The following TBXT variants were observed in gnomAD, a reference collection of about 807,000 sequenced individuals.
TBXT encodes the protein T brachyury transcription factor.
TBXT carries 19 observed loss-of-function variants against 41.1 expected under a neutral mutation model. That is an observed-to-expected ratio of 0.46 (90% CI 0.32 to 0.68). The LOEUF (loss-of-function observed/expected upper bound fraction) is 0.68. Ranked by LOEUF, TBXT falls within the 30% of genes least tolerant of loss-of-function variation. The pLI is 0.03. For missense variants in TBXT, 536 were observed against 582.0 expected (o/e 0.92, Z 0.81); for synonymous variants, 213 against 238.9 (o/e 0.89, Z 1.00).
chr6:166,158,617 G>C (rs372473007), intron 7 of TBXT, 29 bp from the exon 8 acceptor site: 7 of 1,474,662 alleles, frequency 4.7e-6, no homozygotes, highest in African/African-American at 4.2e-5. Context: ...AGTGAGCAGG[G>C]CCTGGGCAGG....
At position 166,158,390 on chromosome 6, in the gene TBXT, C is replaced by T; in HGVS notation, c.1236G>A (p.Val412=). The T allele has an allele frequency of 6.2e-7, 1 of 1,614,210 alleles. No individual in the cohort carries two copies. The highest frequency in any genetic ancestry group is 8.5e-7 in the Non-Finnish European group (1 of 1,180,044). The change falls in exon 8 of 8, where the codon GTG becomes GTA. Residue 412 remains valine, a synonymous_variant. Coordinates refer to ENST00000366876, the MANE Select transcript of TBXT (RefSeq NM_001366285.2). ...YEGAAAATDI[V]DSQYDAAAQG... ...GGGCTGCGGCGTCGTACTGGCTGTC[C>T]ACGATGTCTGTGGCCGCGGCCGCCC...
chr6:166,160,817 A>G lies in TBXT; in HGVS notation c.1037+20T>C. ...CAGAGCTCCCAGGATGCTTTGCACC[A>G]GGTCCTGGACATACATTACCTGGAG... On this transcript the variant is annotated intron_variant, in intron 7 of 7. Coordinates refer to ENST00000366876, the MANE Select transcript of TBXT (RefSeq NM_001366285.2). 6.2e-7 allele frequency: 1 copy of G among 1,613,888 alleles called. No individual in the cohort carries two copies. Among genetic ancestry groups the G allele is most frequent in the African/African-American group, 1.3e-5 (1 of 75,064 alleles).
chr6:166,164,965 A>T, intron 3 of TBXT, 104 bp from the exon 4 acceptor site: 1 of 909,356 alleles, frequency 1.1e-6, no homozygotes, highest in East Asian at 2.5e-5. Flanking sequence ...TTAAATATTC[A>T]AATATAATCA....
intron 6 of TBXT, 27 bp downstream of exon 6, chr6:166,162,420 C>T (rs765247207): frequency 1.2e-6 from 2 of 1,613,976 alleles, no homozygotes; most frequent in East Asian, 4.5e-5. Flanking sequence ...CCCACCAACC[C>T]CTGGCAGAAT....
intron 6 of TBXT, among the ~76,000 whole-genome samples, chr6:166,161,801 T>C (rs1277911336): frequency 6.6e-6 from 1 of 152,254 alleles, no homozygotes; most frequent in Non-Finnish European, 1.5e-5. Context: ...CAGGCACCTG[T>C]AGTCCCAGCT....
chr6:166,161,864 A>C (rs1479024188), intron 6 of TBXT, among the ~76,000 whole-genome samples: 1 of 152,208 alleles, frequency 6.6e-6, no homozygotes, highest in East Asian at 1.9e-4. Flanking sequence ...CGGAGCTTGC[A>C]GTGAGCCGAG....
chr6:166,159,893 G>T (rs571052389), intron 7 of TBXT, among the ~76,000 whole-genome samples: 1 of 152,314 alleles, frequency 6.6e-6, no homozygotes, highest in South Asian at 2.1e-4. Flanking sequence ...CTGGGGCGAT[G>T]CTCTTGGAGC....
In TBXT at chr6:166,165,935, C is replaced by G. The variant is rs1779098206; in HGVS notation, c.472-95G>C. On this transcript the variant is annotated intron_variant, in intron 2 of 7. Transcript: ENST00000366876. The stretch of plus-strand genomic sequence containing the variant: ...CCAGGATGCAGAAAGTCCTCTGGAT[C>G]CCAAGAAAGTGTCTCTGCTGTTGAG... The G allele has an allele frequency of 1.9e-6, 3 of 1,578,592 alleles. No individual in the cohort carries two copies. The East Asian group carries it at 6.7e-5, about 35-fold the overall frequency.
rs780253490 is a variant in TBXT, at chr6:166,158,513, C to T, written c.1113G>A (p.Gly371=). 1.9e-6 allele frequency: 3 copies of T among 1,607,896 alleles called. No individual in the cohort carries two copies. Among genetic ancestry groups the T allele is most frequent in the Admixed American group, 1.7e-5 (1 of 59,854 alleles). ...PGSQAAAVSN[G]LGAQFFRGSP... The stretch of plus-strand genomic sequence containing the variant: ...AGCCCCGGAAGAACTGGGCCCCCAG[C>T]CCGTTGGACACGGCTGCTGCCTGGG... The change falls in exon 8 of 8, where the codon GGG becomes GGA. Residue 371 remains glycine (G), a synonymous_variant. Coordinates refer to ENST00000366876, the MANE Select transcript of TBXT (RefSeq NM_001366285.2).
rs558927877 is a variant in TBXT, at chr6:166,160,821, C to T, written c.1037+16G>A. The T allele has an allele frequency of 2.6e-5, 42 of 1,613,978 alleles. No individual in the cohort carries two copies. The South Asian group carries it at 4.5e-4, about 17-fold the overall frequency. On this transcript the variant is annotated intron_variant, in intron 7 of 7. Transcript: ENST00000366876. ...GCTCCCAGGATGCTTTGCACCAGGT[C>T]CTGGACATACATTACCTGGAGCTGG...
intron 2 of TBXT, among the ~76,000 whole-genome samples, chr6:166,166,262 C>T (rs1779106305): frequency 6.6e-6 from 1 of 152,108 alleles, no homozygotes; most frequent in Non-Finnish European, 1.5e-5. Flanking sequence ...GCAGTAAGTA[C>T]TGTGGCGCAT....
At chr6:166,164,926 C>T in intron 3 of TBXT, 65 bp from the exon 4 acceptor site, 1 of 1,382,444 alleles carries the variant, frequency 7.2e-7, no homozygotes, top group Non-Finnish European at 1.0e-6. Context: ...AATTTGGCAC[C>T]AAGAAATTGA....
At chr6:166,164,120 T>C (rs1779040115) in intron 5 of TBXT, among the ~76,000 whole-genome samples, 1 of 152,212 alleles carries the variant, frequency 6.6e-6, no homozygotes, top group Non-Finnish European at 1.5e-5. Flanking sequence ...CTGAAAGTCC[T>C]AGAGGGAGCT....
intron 6 of TBXT, among the ~76,000 whole-genome samples, chr6:166,162,172 G>T (rs1778978205): frequency 6.6e-6 from 1 of 152,220 alleles, no homozygotes; most frequent in African/African-American, 2.4e-5. Context: ...AGAGGCCCAG[G>T]AATCTGTCAT....
Position 166,165,759 on chromosome 6 carries a change from G to T in TBXT, c.553C>A (p.His185Asn), listed in dbSNP as rs750627725. 2 of 1,614,202 alleles carry T rather than the reference G, an allele frequency of 1.2e-6. No individual in the cohort carries two copies. Among genetic ancestry groups the T allele is most frequent in the Non-Finnish European group, 8.5e-7 (1 of 1,180,050 alleles). The change falls in exon 3 of 8, where the codon CAC (histidine) becomes AAC (asparagine). Residue 185 changes from histidine to asparagine, a missense_variant. Physicochemically the swap from His to Asn is moderately conservative, Grantham distance 68. Coordinates refer to ENST00000366876, the MANE Select transcript of TBXT (RefSeq NM_001366285.2). Reference protein sequence around the residue: ...VGGPQRMITSHCFPETQFIAV... With the variant: ...VGGPQRMITSNCFPETQFIAV... Reference sequence around the variant, plus strand: ...ATGAACTGGGTCTCAGGGAAGCAGTGGCTGGTGATCATGCGCTGTGGACCC... The same window carrying T: ...ATGAACTGGGTCTCAGGGAAGCAGTTGCTGGTGATCATGCGCTGTGGACCC...
intron 6 of TBXT, among the ~76,000 whole-genome samples, chr6:166,161,533 T>C (rs1426053119): frequency 2.0e-5 from 3 of 152,222 alleles, no homozygotes; most frequent in Admixed American, 2.0e-4. Context: ...TCTAGACATA[T>C]ACAGTGTTAT....
rs1487350869 is a variant in TBXT, at chr6:166,158,427, G to C, written c.1199C>G (p.Pro400Arg). 5 of 1,614,194 alleles carry C rather than the reference G, an allele frequency of 3.1e-6. No homozygotes were observed. Among genetic ancestry groups the C allele is most frequent in the Non-Finnish European group, 2.5e-6 (3 of 1,180,042 alleles). The stretch of plus-strand genomic sequence containing the variant: ...GGCCGCGGCCGCCCCTTCGTACAGT[G>C]GGGATCCCGAGGAAGAGGGCGCCGA... ...PVSAPSSSGS[P>R]LYEGAAAATD... The change falls in exon 8 of 8, where the codon CCA (proline) becomes CGA (arginine). Residue 400 changes from proline (P) to arginine (R), a missense_variant. Transcript: ENST00000366876.
Position 166,158,133 on chromosome 6 carries a change from G to A in TBXT, c.*182C>T. 1 of 908,870 alleles carries A rather than the reference G, an allele frequency of 1.1e-6. No individual in the cohort carries two copies. The highest frequency in any genetic ancestry group is 1.7e-6 in the Non-Finnish European group (1 of 585,956). 56.3% of individuals were successfully genotyped at this position (908,870 alleles called of 1,614,324 possible). A position where few individuals can be genotyped will look rare whatever the true frequency, so the allele number is the denominator to read the frequency against. On this transcript the variant is annotated 3_prime_UTR_variant, in exon 8 of 8. Coordinates refer to ENST00000366876, the MANE Select transcript of TBXT (RefSeq NM_001366285.2). ...CACCGCTACTGCAGGTGTGAGCAAG[G>A]GATGCTGGGGCTCTGGGGAAAGGTG...
chr6:166,167,585 A>G lies in TBXT; in HGVS notation c.7T>C (p.Ser3Pro). Residue 3 changes from serine to proline, a missense_variant, in exon 1 of 8, where the codon TCC (serine) becomes CCC (proline). Physicochemically the swap from Ser to Pro is moderately conservative, Grantham distance 74 (BLOSUM62 -1). Transcript: ENST00000366876. Reference sequence around the variant, plus strand: ...TTTCCCGCGCTCTCGGTGCCAGGGGAGCTCATCCTCCCGTCCGGCTCCCCT... The same window carrying G: ...TTTCCCGCGCTCTCGGTGCCAGGGGGGCTCATCCTCCCGTCCGGCTCCCCT... Reference protein sequence around the residue: MSSPGTESAGKSL... With the variant: MSPPGTESAGKSL... The G allele has an allele frequency of 6.4e-7, 1 of 1,558,792 alleles. No homozygotes were observed.
Sources: gnomAD v4.1 joint callset for allele counts (sites outside exome capture counted in the v4.1 genomes callset) on GRCh38, gnomAD v4.1.1 for gene constraint, MANE v1.5 for transcripts, NCBI Gene and HGNC (gene_info 2026-07-23, HGNC 2026-07-21) for gene names.